The following PLSCR2 variants were observed in gnomAD, a reference collection of about 807,000 sequenced individuals.
PLSCR2 encodes phospholipid scramblase 2.
Under a neutral mutation model 25.3 loss-of-function variants are expected in PLSCR2, and 18 were observed. That is an observed-to-expected ratio of 0.71 (90% CI 0.49 to 1.06). The LOEUF is 1.06. Ranked by LOEUF, PLSCR2 falls within the 50% of genes least tolerant of loss-of-function variation. The pLI is 0.00. For missense variants in PLSCR2, 243 were observed against 269.5 expected, an observed-to-expected ratio of 0.90 and a Z score of 0.69; for synonymous variants, 88 against 87.3, an observed-to-expected ratio of 1.01 and a Z score of -0.04.
At chr3:146,402,399 A>G (rs976419105) in intron 2 of PLSCR2, among the ~76,000 whole-genome samples, 1 of 152,112 alleles carries the variant, frequency 6.6e-6, no homozygotes, top group African/African-American at 2.4e-5. Flanking sequence ...TTTTTCTCTC[A>G]CTGCTATTTT....
intron 6 of PLSCR2, among the ~76,000 whole-genome samples, chr3:146,445,758 C>T (rs1183840347): frequency 6.6e-6 from 1 of 152,138 alleles, no homozygotes; most frequent in Non-Finnish European, 1.5e-5. Context: ...TTCTCTACCT[C>T]CTCTTTAGGA....
At chr3:146,465,229 T>C (rs905119678), upstream of PLSCR2, among the ~76,000 whole-genome samples, 3 of 152,210 alleles carry the variant, frequency 2.0e-5, no homozygotes, top group African/African-American at 7.2e-5. Context: ...AAACTGACTA[T>C]TCTGCAATGC....
chr3:146,481,365 G>A (rs1040697446), intron 1 of PLSCR2, among the ~76,000 whole-genome samples: 1 of 152,212 alleles, frequency 6.6e-6, no homozygotes, highest in Non-Finnish European at 1.5e-5. Flanking sequence ...TCCTTAAGCT[G>A]ATAAGCAACT....
chr3:146,477,738 C>T (rs1429234891), intron 1 of PLSCR2, among the ~76,000 whole-genome samples: 2 of 152,168 alleles, frequency 1.3e-5, no homozygotes, highest in East Asian at 3.9e-4. Flanking sequence ...AGTGGTTCTC[C>T]CAGCACAGCA....
chr3:146,451,963 T>G (rs1269132828), intron 5 of PLSCR2, among the ~76,000 whole-genome samples: 2 of 152,210 alleles, frequency 1.3e-5, no homozygotes, highest in Non-Finnish European at 2.9e-5. Flanking sequence ...TCAGTAAACA[T>G]AAATAAAATA....
chr3:146,483,482 T>TATATAC (rs2043225311), intron 1 of PLSCR2, among the ~76,000 whole-genome samples: 1 of 80,688 alleles, frequency 1.2e-5, no homozygotes, highest in Non-Finnish European at 2.5e-5. Context: ...TACATGTGTA[T>TATATAC]ATATATATAT....
chr3:146,460,206 G>T, exon 1 of PLSCR2: 1 of 1,393,738 alleles, frequency 7.2e-7, no homozygotes, highest in Non-Finnish European at 9.3e-7. Flanking sequence ...TGTGAAGCTT[G>T]AGGTATGTTT....
chr3:146,486,564 A>C (rs1340128154), intron 1 of PLSCR2, among the ~76,000 whole-genome samples: 2 of 152,134 alleles, frequency 1.3e-5, no homozygotes, highest in African/African-American at 4.8e-5. Context: ...AAACTAGAAA[A>C]TATAGAAGAA....
intron 1 of PLSCR2, among the ~76,000 whole-genome samples, chr3:146,489,306 A>T (rs1206346846): frequency 7.9e-5 from 12 of 152,144 alleles, no homozygotes; most frequent in Non-Finnish European, 1.5e-5. Flanking sequence ...CTGCACATGT[A>T]TCCCAGAACT....
intron 1 of PLSCR2, among the ~76,000 whole-genome samples, chr3:146,490,347 T>A (rs949498120): frequency 5.3e-5 from 8 of 152,132 alleles, no homozygotes; most frequent in African/African-American, 1.9e-4. Flanking sequence ...GGCTGAGAGC[T>A]CTCTGCATTC....
chr3:146,427,129 G>T (rs1408555791), intron 2 of PLSCR2, among the ~76,000 whole-genome samples: 1 of 152,108 alleles, frequency 6.6e-6, no homozygotes, highest in East Asian at 1.9e-4. Flanking sequence ...ACAACTTTGA[G>T]AACTTTCAAG....
chr3:146,435,879 T>A (rs1020963707), intron 8 of PLSCR2, among the ~76,000 whole-genome samples: 1 of 152,228 alleles, frequency 6.6e-6, no homozygotes, highest in Non-Finnish European at 1.5e-5. Context: ...TTGCCTAGGT[T>A]TTCTCCTAGG....
chr3:146,433,181 T>A (rs2039616278), downstream of PLSCR2: 1 of 152,220 alleles, frequency 6.6e-6, no homozygotes, highest in African/African-American at 2.4e-5. Flanking sequence ...ATCATATTTT[T>A]CAATTTTATT....
rs1560054842 is a variant in PLSCR2, at chr3:146,483,457, ATATATATATATATATACATGTG to A, written c.-293+12416_-293+12437del. Reference sequence around the variant, plus strand: ...TATATATATATACACATGTATGTATATATATATATATATATACATGTGTATATATATATATATATATATATAT... The same window carrying A: ...TATATATATATACACATGTATGTATATATATATATATATATATATATATAT... On this transcript the variant is annotated intron_variant, in intron 1 of 8. Coordinates refer to the PLSCR2 transcript ENST00000336685. Among the ~76,000 whole-genome samples the A allele has an allele frequency of 2.1e-3, 122 of 57,950 alleles. 8 individuals carry two copies. Among genetic ancestry groups the A allele is most frequent in the Middle Eastern group, 7.8e-3 (1 of 128 alleles). The allele number at this position is 57,950 out of a possible 152,430, so 38.0% of individuals were successfully genotyped here. A position where few individuals can be genotyped will look rare whatever the true frequency, so the allele number is the denominator to read the frequency against.
intron 1 of PLSCR2, among the ~76,000 whole-genome samples, chr3:146,474,269 T>C (rs1239677360): frequency 6.6e-6 from 1 of 152,182 alleles, no homozygotes; most frequent in Non-Finnish European, 1.5e-5. Flanking sequence ...TTTATTGTTG[T>C]CCTCTTCTGC....
At chr3:146,492,569 A>T (rs566166232) in intron 1 of PLSCR2, among the ~76,000 whole-genome samples, 1 of 152,276 alleles carries the variant, frequency 6.6e-6, no homozygotes, top group South Asian at 2.1e-4. Flanking sequence ...GAATAAAATT[A>T]AGTCAGATCA....
intron 4 of PLSCR2, 54 bp downstream of exon 4, chr3:146,455,185 G>T: frequency 8.8e-7 from 1 of 1,136,242 alleles, no homozygotes; most frequent in Non-Finnish European, 1.3e-6. Context: ...CAATAAAAGG[G>T]TGGAAATCCT....
At chr3:146,474,671 T>G (rs987313580) in intron 1 of PLSCR2, among the ~76,000 whole-genome samples, 1 of 152,156 alleles carries the variant, frequency 6.6e-6, no homozygotes, top group African/African-American at 2.4e-5. Context: ...TTAATTTTCA[T>G]GTTGGCTTGT....
chr3:146,449,743 A>G (rs2040787259), intron 5 of PLSCR2, among the ~76,000 whole-genome samples: 1 of 152,216 alleles, frequency 6.6e-6, no homozygotes, highest in Non-Finnish European at 1.5e-5. Context: ...AAGGAAACAA[A>G]TGAAACTCCT....
Sources: gnomAD v4.1 joint callset for allele counts (sites outside exome capture counted in the v4.1 genomes callset) on GRCh38, gnomAD v4.1.1 for gene constraint, MANE v1.5 for transcripts, NCBI Gene and HGNC (gene_info 2026-07-23, HGNC 2026-07-21) for gene names.